NME7: variants seen among roughly 807,000 people sequenced by gnomAD.
NME7 encodes the protein NME/NM23 family member 7.
Under a neutral mutation model 49.1 loss-of-function variants are expected in NME7, and 41 were observed. The observed-to-expected ratio is 0.83, with a 90% CI of 0.65 to 1.08. The LOEUF (loss-of-function observed/expected upper bound fraction) is 1.08, where lower values mean the gene tolerates loss of function less well. Among genes scored for constraint, NME7 ranks in the 50% least tolerant of loss-of-function variants. The pLI, the probability that NME7 is intolerant of heterozygous loss-of-function variation, is 0.00. For missense variants in NME7, 423 were observed against 463.4 expected (o/e 0.91, Z 0.80); for synonymous variants, 139 against 150.6 (o/e 0.92, Z 0.56).
chr1:169,214,573 A>G (rs1450274692), intron 10 of NME7, among the ~76,000 whole-genome samples: 2 of 152,222 alleles, frequency 1.3e-5, no homozygotes, highest in African/African-American at 4.8e-5. Flanking sequence ...CTTTATTTAA[A>G]AAGAGAGGAA....
At chr1:169,203,927 G>T (rs1660613258) in intron 10 of NME7, among the ~76,000 whole-genome samples, 1 of 152,058 alleles carries the variant, frequency 6.6e-6, no homozygotes. Context: ...TTTGATCAAA[G>T]CTCAGTGCAG....
rs535670697 is a variant in NME7, at chr1:169,137,485, G to A, written c.1099-4668C>T. Among the ~76,000 whole-genome samples the A allele has an allele frequency of 5.3e-5, 8 of 152,306 alleles. No homozygotes were observed. The South Asian group carries it at 1.7e-3, about 32-fold the overall frequency. On this transcript the variant is annotated intron_variant, in intron 11 of 11. Coordinates refer to ENST00000367811, the MANE Select transcript of NME7 (RefSeq NM_013330.5). Reference sequence around the variant, plus strand: ...GCGGGTTGGGGAAGGTGCAGGGTGAGGCAGATTATGGAAGGTGTGAGCTGG... The same window carrying A: ...GCGGGTTGGGGAAGGTGCAGGGTGAAGCAGATTATGGAAGGTGTGAGCTGG...
intron 11 of NME7, among the ~76,000 whole-genome samples, chr1:169,161,495 T>C (rs67485965): frequency 0.37 from 56,206 of 151,928 alleles, 10,966 homozygotes; most frequent in East Asian, 0.73. Flanking sequence ...CACTATTTTT[T>C]CCCCCAGAGT....
chr1:169,319,129 A>G (rs1428381210), intron 3 of NME7, among the ~76,000 whole-genome samples: 1 of 151,984 alleles, frequency 6.6e-6, no homozygotes, highest in African/African-American at 2.4e-5. Flanking sequence ...TGATATCCCA[A>G]TACTGTAATC....
At chr1:169,240,310 A>C (rs1648028340) in intron 7 of NME7, among the ~76,000 whole-genome samples, 1 of 151,914 alleles carries the variant, frequency 6.6e-6, no homozygotes, top group African/African-American at 2.4e-5. Context: ...GAGAAGAGAG[A>C]TATTGTTTTA....
At chr1:169,316,581 C>T (rs1297763069) in intron 3 of NME7, among the ~76,000 whole-genome samples, 2 of 152,104 alleles carry the variant, frequency 1.3e-5, no homozygotes, top group East Asian at 3.8e-4. Context: ...CTGGATTATT[C>T]CCCTGGGCCC....
chr1:169,263,361 A>G (rs1366695313), intron 7 of NME7, among the ~76,000 whole-genome samples: 3 of 134,224 alleles, frequency 2.2e-5, no homozygotes, highest in African/African-American at 7.6e-5. Context: ...AAGAATCACA[A>G]TAAAACAATA....
At chr1:169,336,381 T>C (rs1010406053) in intron 1 of NME7, among the ~76,000 whole-genome samples, 1 of 151,894 alleles carries the variant, frequency 6.6e-6, no homozygotes, top group Non-Finnish European at 1.5e-5. Flanking sequence ...TTTATTCTCT[T>C]ATCTGGCCCC....
At chr1:169,321,451 C>T (rs1273454054) in intron 3 of NME7, among the ~76,000 whole-genome samples, 1 of 152,154 alleles carries the variant, frequency 6.6e-6, no homozygotes, top group Non-Finnish European at 1.5e-5. Context: ...GTATGTGCTC[C>T]ATAAATGAAT....
chr1:169,360,826 G>A (rs1333739474), intron 1 of NME7, among the ~76,000 whole-genome samples: 1 of 151,348 alleles, frequency 6.6e-6, no homozygotes, highest in East Asian at 1.9e-4. Context: ...CATCATATGA[G>A]GTCATCATTC....
chr1:169,241,901 A>G (rs905761681), intron 7 of NME7, among the ~76,000 whole-genome samples: 2 of 151,744 alleles, frequency 1.3e-5, no homozygotes, highest in Non-Finnish European at 2.9e-5. Context: ...CTACACTCCA[A>G]TAGCCCTTAT....
intron 7 of NME7, among the ~76,000 whole-genome samples, chr1:169,252,962 T>C (rs1228469015): frequency 6.7e-6 from 1 of 149,776 alleles, no homozygotes; most frequent in Non-Finnish European, 1.5e-5. Flanking sequence ...TTGGTTACTG[T>C]AGCCTTGTAG....
intron 4 of NME7, among the ~76,000 whole-genome samples, chr1:169,305,521 C>G (rs989221568): frequency 1.3e-5 from 2 of 152,200 alleles, no homozygotes; most frequent in Non-Finnish European, 2.9e-5. Context: ...TCTCTTCTAA[C>G]TTGTCTTATC....
intron 10 of NME7, among the ~76,000 whole-genome samples, 196 bp downstream of exon 10, chr1:169,230,522 A>C (rs943919342): frequency 2.0e-5 from 3 of 152,206 alleles, no homozygotes; most frequent in Non-Finnish European, 4.4e-5. Flanking sequence ...TATTGTCACT[A>C]AGTTAACAAA....
rs1331463270 is a variant in NME7, at chr1:169,264,677, C to T, written c.754+22626G>A. Among the ~76,000 whole-genome samples the T allele has an allele frequency of 1.5e-5, 2 of 133,172 alleles. 1 individual carries two copies. Among genetic ancestry groups the T allele is most frequent in the Admixed American group, 1.5e-4 (2 of 13,554 alleles). The allele number at this position is 133,172 out of a possible 152,430, so 87.4% of individuals were successfully genotyped here. On this transcript the variant is annotated intron_variant, in intron 7 of 11. Coordinates refer to ENST00000367811, the MANE Select transcript of NME7 (RefSeq NM_013330.5). ...ACACAATAATAGTGGGAGACATCAACACCCTACTGACAGTAATAGATCATT... is the reference window on the plus strand; with the variant it reads ...ACACAATAATAGTGGGAGACATCAATACCCTACTGACAGTAATAGATCATT...
At chr1:169,192,827 T>C (rs754023513) in intron 10 of NME7, among the ~76,000 whole-genome samples, 7 of 152,188 alleles carry the variant, frequency 4.6e-5, no homozygotes, top group Non-Finnish European at 7.3e-5. Flanking sequence ...AAACTGTGTG[T>C]ATTTCATTTT....
intron 10 of NME7, among the ~76,000 whole-genome samples, chr1:169,220,567 T>C (rs1184561725): frequency 2.6e-5 from 4 of 152,170 alleles, no homozygotes; most frequent in Non-Finnish European, 4.4e-5. Context: ...CACATGATCA[T>C]TTTCTCCAGG....
intron 7 of NME7, among the ~76,000 whole-genome samples, chr1:169,245,687 T>A (rs915067847): frequency 6.6e-6 from 1 of 152,170 alleles, no homozygotes. Context: ...AATTTAAATC[T>A]AGTGAAATAA....
chr1:169,202,386 T>C (rs982426139), intron 10 of NME7, among the ~76,000 whole-genome samples: 2 of 152,192 alleles, frequency 1.3e-5, no homozygotes, highest in African/African-American at 4.8e-5. Context: ...GCTTTTGCCA[T>C]GTGACATGCC....
Sources: gnomAD v4.1 joint callset for allele counts (sites outside exome capture counted in the v4.1 genomes callset) on GRCh38, gnomAD v4.1.1 for gene constraint, MANE v1.5 for transcripts, NCBI Gene and HGNC (gene_info 2026-07-23, HGNC 2026-07-21) for gene names.